The following ADAMTSL1 variants were observed in gnomAD, a reference collection of about 807,000 sequenced individuals.
ADAMTSL1 encodes the protein ADAMTS like 1.
ADAMTSL1 carries 126 observed loss-of-function variants against 201.8 expected under a neutral mutation model. That is an observed-to-expected ratio of 0.62 (90% CI 0.54 to 0.72). The LOEUF (loss-of-function observed/expected upper bound fraction) is 0.72. Ranked by LOEUF, ADAMTSL1 falls within the 30% of genes least tolerant of loss-of-function variation. The pLI, the probability that ADAMTSL1 is intolerant of heterozygous loss-of-function variation, is 0.00. For missense variants in ADAMTSL1, 2,679 were observed against 2,277.8 expected (o/e 1.18, Z -3.59); for synonymous variants, 1,121 against 903.4 (o/e 1.24, Z -4.32).
At chr9:17,922,719 C>A (rs1826353972) in intron 1 of ADAMTSL1, among the ~76,000 whole-genome samples, 1 of 37,984 alleles carries the variant, frequency 2.6e-5, no homozygotes, top group Non-Finnish European at 5.1e-5. Flanking sequence ...TCTCATAACT[C>A]TGCTCAGTGA....
intron 23 of ADAMTSL1, among the ~76,000 whole-genome samples, chr9:18,883,316 C>T (rs544036481): frequency 5.3e-5 from 8 of 152,268 alleles, no homozygotes; most frequent in Middle Eastern, 3.4e-3. Flanking sequence ...AGGCCAGTCC[C>T]GGCATGACTT....
chr9:18,838,381 ACACACACACACACACACACAC>A (rs1360794613), intron 23 of ADAMTSL1, among the ~76,000 whole-genome samples: 6 of 138,438 alleles, frequency 4.3e-5, no homozygotes, highest in African/African-American at 1.3e-4. Flanking sequence ...ACACACACAC[ACACACACACACACACACACAC>A]GCAAAAACCT....
chr9:18,728,197 G>T (rs1290642371), intron 15 of ADAMTSL1, among the ~76,000 whole-genome samples: 1 of 152,094 alleles, frequency 6.6e-6, no homozygotes, highest in African/African-American at 2.4e-5. Context: ...AAGGGGTTAG[G>T]TCTACCTTCC....
chr9:18,508,833 A>C (rs1020531920), intron 2 of ADAMTSL1, among the ~76,000 whole-genome samples: 9 of 152,320 alleles, frequency 5.9e-5, no homozygotes, highest in Admixed American at 2.0e-4. Context: ...GTCATTGCTT[A>C]AATATGGCCC....
intron 16 of ADAMTSL1, among the ~76,000 whole-genome samples, chr9:18,763,732 T>C (rs111594952): frequency 1.8e-4 from 27 of 152,336 alleles, no homozygotes; most frequent in African/African-American, 4.8e-4. Context: ...CACCATTCAT[T>C]GAAGAAACTG....
chr9:18,059,981 G>A (rs1448524978), intron 1 of ADAMTSL1, among the ~76,000 whole-genome samples: 1 of 152,114 alleles, frequency 6.6e-6, no homozygotes, highest in East Asian at 1.9e-4. Context: ...CAGTCACATA[G>A]TGTAAAATTT....
chr9:18,054,555 A>G (rs895402497), intron 1 of ADAMTSL1, among the ~76,000 whole-genome samples: 8 of 152,160 alleles, frequency 5.3e-5, no homozygotes, highest in African/African-American at 1.9e-4. Flanking sequence ...TCTAGGTCCT[A>G]TTAGGCCAGG....
At chr9:18,823,507 C>T (rs7019448) in intron 21 of ADAMTSL1, among the ~76,000 whole-genome samples, 129,040 of 152,090 alleles carry the variant, frequency 0.85, 54,857 homozygotes, top group African/African-American at 0.89. Flanking sequence ...CCCAGGTCTG[C>T]TTCCATCCCT....
chr9:18,021,120 T>G (rs187634222), intron 1 of ADAMTSL1, among the ~76,000 whole-genome samples: 1 of 152,262 alleles, frequency 6.6e-6, no homozygotes, highest in East Asian at 1.9e-4. Flanking sequence ...AATTTGTGCT[T>G]TAACAGGTGC....
intron 7 of ADAMTSL1, among the ~76,000 whole-genome samples, chr9:18,649,537 T>C (rs1383528254): frequency 2.6e-5 from 3 of 117,418 alleles, no homozygotes; most frequent in East Asian, 3.9e-4. Context: ...TTTTGGTCTT[T>C]GATGATGGTG....
chr9:18,827,335 C>T (rs1320453955), intron 22 of ADAMTSL1, among the ~76,000 whole-genome samples: 1 of 151,988 alleles, frequency 6.6e-6, no homozygotes, highest in East Asian at 1.9e-4. Flanking sequence ...ACATACATTA[C>T]AGACTTCCTC....
chr9:18,199,735 A>T (rs899350544), intron 2 of ADAMTSL1, among the ~76,000 whole-genome samples: 3 of 152,102 alleles, frequency 2.0e-5, no homozygotes, highest in African/African-American at 7.2e-5. Context: ...GCACATAGAG[A>T]TATATGCTGA....
chr9:18,611,889 G>T (rs548615035), intron 4 of ADAMTSL1, among the ~76,000 whole-genome samples: 11 of 152,264 alleles, frequency 7.2e-5, no homozygotes, highest in Admixed American at 2.6e-4. Flanking sequence ...GAGTGTGTAG[G>T]TTGGATGCAG....
intron 2 of ADAMTSL1, among the ~76,000 whole-genome samples, chr9:18,445,096 A>G (rs1820137638): frequency 6.6e-6 from 1 of 152,136 alleles, no homozygotes; most frequent in Non-Finnish European, 1.5e-5. Context: ...GATATTCTTC[A>G]GTACAATAAA....
chr9:18,642,576 A>G (rs1294096730), intron 7 of ADAMTSL1, among the ~76,000 whole-genome samples: 3 of 151,760 alleles, frequency 2.0e-5, no homozygotes. Context: ...CATTTCCCCC[A>G]CAGTTCACTT....
At chr9:18,061,794 C>T (rs1237174866) in intron 1 of ADAMTSL1, among the ~76,000 whole-genome samples, 2 of 152,122 alleles carry the variant, frequency 1.3e-5, no homozygotes, top group Non-Finnish European at 2.9e-5. Context: ...AGTTTGGGAC[C>T]AGTTTAGTTT....
chr9:17,938,051 T>A (rs2131338187), intron 1 of ADAMTSL1, among the ~76,000 whole-genome samples: 1 of 152,264 alleles, frequency 6.6e-6, no homozygotes, highest in East Asian at 1.9e-4. Flanking sequence ...GAAATACACG[T>A]GGGTTTAAAA....
At chr9:18,832,124 C>T (rs190032233) in intron 23 of ADAMTSL1, among the ~76,000 whole-genome samples, 14 of 152,290 alleles carry the variant, frequency 9.2e-5, no homozygotes, top group East Asian at 7.7e-4. Context: ...GCCATCAAAA[C>T]GAACAAGCCT....
At chr9:18,126,812 C>G (rs903432516) in intron 1 of ADAMTSL1, among the ~76,000 whole-genome samples, 26 of 152,122 alleles carry the variant, frequency 1.7e-4, no homozygotes, top group African/African-American at 6.0e-4. Context: ...GAAAATATGT[C>G]TATGCTTATG....
Sources: allele counts gnomAD v4.1 joint callset (sites outside exome capture counted in the v4.1 genomes callset), GRCh38; gene constraint gnomAD v4.1.1; transcripts MANE v1.5; gene names NCBI Gene and HGNC (gene_info 2026-07-23, HGNC 2026-07-21).